The following TMEM163 variants were observed in gnomAD, a reference collection of about 807,000 sequenced individuals.
TMEM163 encodes transmembrane protein 163.
Under a neutral mutation model 29.3 loss-of-function variants are expected in TMEM163, and 17 were observed. The observed-to-expected ratio is 0.58, with a 90% CI of 0.40 to 0.87. The LOEUF (loss-of-function observed/expected upper bound fraction) is 0.87. TMEM163 is among the 40% of genes least tolerant of loss of function. TMEM163 has a pLI of 0.00. For missense variants in TMEM163, 303 were observed against 381.5 expected (o/e 0.79, Z 1.71); for synonymous variants, 157 against 160.6 (o/e 0.98, Z 0.17).
At chr2:134,507,205 G>A (rs1297871233) in intron 4 of TMEM163, among the ~76,000 whole-genome samples, 2 of 152,080 alleles carry the variant, frequency 1.3e-5, no homozygotes, top group African/African-American at 4.8e-5. Context: ...GCATGGTGGT[G>A]TATGCCTGTA....
At chr2:134,647,817 G>A (rs114608982) in intron 2 of TMEM163, among the ~76,000 whole-genome samples, 222 of 152,278 alleles carry the variant, frequency 1.5e-3, no homozygotes, top group African/African-American at 4.7e-3. Context: ...CTCACAGAGC[G>A]GGGAGCACAG....
intron 2 of TMEM163, among the ~76,000 whole-genome samples, chr2:134,696,979 T>C (rs143155963): frequency 1.4e-3 from 206 of 152,280 alleles, no homozygotes; most frequent in African/African-American, 4.6e-3. Context: ...TTTCGCCATG[T>C]TGGCCAGGCT....
rs555126671 is a variant in TMEM163, at chr2:134,596,022, A to G, written c.323-43931T>C. Among the ~76,000 whole-genome samples, 10 of 152,312 alleles carry G rather than the reference A, an allele frequency of 6.6e-5. No homozygotes were observed. In the East Asian group the frequency reaches 1.2e-3, roughly 18 times the overall value. ...AGATTCTGGATATTAGCCCTTTGTC[A>G]GATAAGTAGATTGCAAAAATCTTCT... On this transcript the variant is annotated intron_variant, in intron 2 of 7. Transcript: ENST00000281924.
intron 2 of TMEM163, among the ~76,000 whole-genome samples, chr2:134,573,789 C>A (rs1463968990): frequency 6.6e-6 from 1 of 152,224 alleles, no homozygotes; most frequent in Non-Finnish European, 1.5e-5. Context: ...CTGTTTTAGG[C>A]TTTGTGTCTT....
chr2:134,571,504 TAC>T (rs1322856960), intron 2 of TMEM163, among the ~76,000 whole-genome samples: 4 of 152,092 alleles, frequency 2.6e-5, no homozygotes, highest in Admixed American at 2.6e-4. Context: ...ACTTACAAAA[TAC>T]GTTTTCAGAG....
intron 5 of TMEM163, among the ~76,000 whole-genome samples, chr2:134,493,319 T>C (rs187648055): frequency 9.0e-4 from 135 of 149,852 alleles, no homozygotes; most frequent in Non-Finnish European, 1.6e-3. Flanking sequence ...TCTGATGAAG[T>C]CCAATTTTCA....
chr2:134,650,264 T>C (rs1211196030), intron 2 of TMEM163, among the ~76,000 whole-genome samples: 2 of 151,974 alleles, frequency 1.3e-5, no homozygotes, highest in Admixed American at 6.6e-5. Context: ...TTTAACTTCT[T>C]ACCCTTCTCT....
At chr2:134,607,092 G>T (rs1574276393) in intron 2 of TMEM163, among the ~76,000 whole-genome samples, 4 of 129,860 alleles carry the variant, frequency 3.1e-5, no homozygotes, top group African/African-American at 5.9e-5. Flanking sequence ...CCCGAGAACT[G>T]TGCTGGTGAA....
intron 2 of TMEM163, among the ~76,000 whole-genome samples, chr2:134,638,885 T>C (rs191896379): frequency 3.9e-5 from 6 of 152,200 alleles, no homozygotes; most frequent in Non-Finnish European, 5.9e-5. Context: ...GACAACCAGG[T>C]AGATGTTTTT....
At chr2:134,675,699 G>A (rs1386326300) in intron 2 of TMEM163, among the ~76,000 whole-genome samples, 1 of 152,172 alleles carries the variant, frequency 6.6e-6, no homozygotes, top group Non-Finnish European at 1.5e-5. Flanking sequence ...AGTTACTGTT[G>A]CAAATTTCAT....
chr2:134,541,564 C>T (rs1680668747), intron 4 of TMEM163, among the ~76,000 whole-genome samples: 1 of 152,156 alleles, frequency 6.6e-6, no homozygotes, highest in Non-Finnish European at 1.5e-5. Flanking sequence ...TGGAAATAAC[C>T]CATGTCTTCA....
intron 2 of TMEM163, among the ~76,000 whole-genome samples, chr2:134,641,951 A>C (rs1683229988): frequency 2.6e-5 from 4 of 152,230 alleles, no homozygotes; most frequent in African/African-American, 7.2e-5. Context: ...CAGACAAAGT[A>C]GATTTCAGAG....
At chr2:134,572,246 A>C (rs1459978358) in intron 2 of TMEM163, among the ~76,000 whole-genome samples, 1 of 152,084 alleles carries the variant, frequency 6.6e-6, no homozygotes, top group African/African-American at 2.4e-5. Flanking sequence ...CACACCCCCA[A>C]CATCTTCCAA....
chr2:134,553,292 C>T (rs1048686881), intron 2 of TMEM163, among the ~76,000 whole-genome samples: 1 of 152,202 alleles, frequency 6.6e-6, no homozygotes, highest in Non-Finnish European at 1.5e-5. Flanking sequence ...CTAGGACCTG[C>T]TCCTTGTCCT....
At chr2:134,601,863 A>G (rs1269155548) in intron 2 of TMEM163, among the ~76,000 whole-genome samples, 2 of 152,224 alleles carry the variant, frequency 1.3e-5, no homozygotes, top group African/African-American at 4.8e-5. Flanking sequence ...GGGTTACAGT[A>G]TTAAACAGAG....
At chr2:134,715,103 C>G (rs1370299957) in intron 1 of TMEM163, among the ~76,000 whole-genome samples, 2 of 152,200 alleles carry the variant, frequency 1.3e-5, no homozygotes, top group East Asian at 3.8e-4. Flanking sequence ...ATTTTGACAG[C>G]AACAATCTCC....
At chr2:134,587,176 C>T (rs1444738226) in intron 2 of TMEM163, among the ~76,000 whole-genome samples, 2 of 152,210 alleles carry the variant, frequency 1.3e-5, no homozygotes, top group African/African-American at 2.4e-5. Flanking sequence ...TTTGGGAGGC[C>T]GAGTTGGGAG....
intron 2 of TMEM163, among the ~76,000 whole-genome samples, chr2:134,620,454 T>C (rs2104824494): frequency 6.6e-6 from 1 of 152,172 alleles, no homozygotes; most frequent in African/African-American, 2.4e-5. Context: ...ATGGGGTTTC[T>C]CCATGTTGAT....
chr2:134,519,888 T>G (rs1415974717), intron 4 of TMEM163, among the ~76,000 whole-genome samples: 1 of 53,918 alleles, frequency 1.9e-5, no homozygotes, highest in Non-Finnish European at 3.0e-5. Context: ...AGACCCCACC[T>G]CAAAAAAAAA....
Sources: allele counts gnomAD v4.1 joint callset (sites outside exome capture counted in the v4.1 genomes callset), GRCh38; gene constraint gnomAD v4.1.1; transcripts MANE v1.5; gene names NCBI Gene and HGNC (gene_info 2026-07-23, HGNC 2026-07-21).